SOX5: variants seen among roughly 807,000 people sequenced by gnomAD.
SOX5 encodes the protein SRY-box transcription factor 5.
In SOX5, 9 loss-of-function variants were observed where a neutral mutation model predicts 92.0. The ratio of observed to expected loss-of-function variants is 0.10; its 90% confidence interval spans 0.06 to 0.17. The LOEUF (loss-of-function observed/expected upper bound fraction) is 0.17, where lower values mean the gene tolerates loss of function less well. Ranked by LOEUF, SOX5 falls within the 10% of genes least tolerant of loss-of-function variation. The pLI is 1.00. For synonymous variants in SOX5, 344 were observed against 336.3 expected (o/e 1.02, Z -0.25); for missense variants, 642 against 944.5 (o/e 0.68, Z 4.20).
At chr12:24,397,830 GTTA>G (rs962271900) in intron 1 of SOX5, among the ~76,000 whole-genome samples, 5 of 151,374 alleles carry the variant, frequency 3.3e-5, no homozygotes, top group East Asian at 1.9e-4. Flanking sequence ...AAATATTATT[GTTA>G]TTATTATTAT....
At chr12:23,690,822 A>G (rs970920789) in intron 6 of SOX5, among the ~76,000 whole-genome samples, 32 of 152,212 alleles carry the variant, frequency 2.1e-4, no homozygotes, top group Admixed American at 5.9e-4. Flanking sequence ...CATTTTAGTC[A>G]CTGTACCTGC....
intron 4 of SOX5, among the ~76,000 whole-genome samples, chr12:24,141,083 C>A (rs1029679346): frequency 6.6e-6 from 1 of 152,098 alleles, no homozygotes; most frequent in Non-Finnish European, 1.5e-5. Context: ...ACCATTAGAA[C>A]ATTCTCAGAA....
At chr12:24,106,220 C>A (rs1946650358) in intron 4 of SOX5, among the ~76,000 whole-genome samples, 1 of 150,790 alleles carries the variant, frequency 6.6e-6, no homozygotes. Context: ...CCCAACACAC[C>A]AAGTCCTAAC....
intron 6 of SOX5, among the ~76,000 whole-genome samples, chr12:23,713,315 C>T (rs1447128285): frequency 1.3e-5 from 2 of 152,228 alleles, no homozygotes; most frequent in African/African-American, 4.8e-5. Context: ...TGATTTCAGA[C>T]TCTGACCTCC....
intron 8 of SOX5, among the ~76,000 whole-genome samples, chr12:23,635,841 G>T (rs1379149592): frequency 1.3e-5 from 2 of 152,134 alleles, no homozygotes; most frequent in Non-Finnish European, 2.9e-5. Flanking sequence ...ATGATGGAAG[G>T]AAGTGGATAG....
chr12:23,873,378 T>A (rs2096894937), intron 2 of SOX5, among the ~76,000 whole-genome samples: 1 of 151,400 alleles, frequency 6.6e-6, no homozygotes, highest in Admixed American at 6.6e-5. Flanking sequence ...GAGGCAGAGG[T>A]GTGAGAATCA....
intron 4 of SOX5, among the ~76,000 whole-genome samples, chr12:24,170,046 G>C (rs939747129): frequency 2.6e-5 from 4 of 152,108 alleles, no homozygotes; most frequent in Non-Finnish European, 1.5e-5. Flanking sequence ...GAGGAGAGTG[G>C]CACCTTTAAG....
intron 2 of SOX5, among the ~76,000 whole-genome samples, chr12:24,352,903 A>G (rs1425905833): frequency 6.6e-6 from 1 of 152,142 alleles, no homozygotes; most frequent in Non-Finnish European, 1.5e-5. Context: ...GCCTCACTGG[A>G]AAGTTGGCAG....
At chr12:24,308,921 G>A (rs543759258) in intron 2 of SOX5, among the ~76,000 whole-genome samples, 6 of 152,178 alleles carry the variant, frequency 3.9e-5, no homozygotes, top group Non-Finnish European at 7.4e-5. Flanking sequence ...AGTATTATTG[G>A]ATTCTTCAGG....
chr12:24,435,292 T>C (rs1939190376), intron 1 of SOX5, among the ~76,000 whole-genome samples: 1 of 152,200 alleles, frequency 6.6e-6, no homozygotes, highest in Admixed American at 6.5e-5. Context: ...GATGAAGATG[T>C]ACCCCTTTCT....
intron 3 of SOX5, among the ~76,000 whole-genome samples, chr12:23,814,234 T>G (rs1483863680): frequency 6.6e-6 from 1 of 152,204 alleles, no homozygotes; most frequent in Non-Finnish European, 1.5e-5. Flanking sequence ...TCACATAACA[T>G]GTGCTGATCT....
At chr12:24,462,105 A>G (rs1014152916) in intron 1 of SOX5, among the ~76,000 whole-genome samples, 1 of 152,180 alleles carries the variant, frequency 6.6e-6, no homozygotes, top group Non-Finnish European at 1.5e-5. Flanking sequence ...AGGAAATTTC[A>G]TCCTTGTGTG....
At chr12:23,921,445 C>A (rs1387862050) in intron 1 of SOX5, among the ~76,000 whole-genome samples, 1 of 151,004 alleles carries the variant, frequency 6.6e-6, no homozygotes, top group Non-Finnish European at 1.5e-5. Flanking sequence ...GCACAGCAGA[C>A]AAAAAGAATT....
intron 3 of SOX5, among the ~76,000 whole-genome samples, chr12:23,831,565 T>A: frequency 6.6e-6 from 1 of 152,132 alleles, no homozygotes; most frequent in East Asian, 1.9e-4. Context: ...CCACCATACA[T>A]ACCTTTTGAA....
intron 6 of SOX5, among the ~76,000 whole-genome samples, chr12:23,686,922 G>A (rs558330924): frequency 1.3e-5 from 2 of 152,114 alleles, no homozygotes; most frequent in African/African-American, 2.4e-5. Flanking sequence ...TTTAAAAAAG[G>A]TTTCTGTTGA....
chr12:24,191,557 C>T (rs1170002143), intron 4 of SOX5, among the ~76,000 whole-genome samples: 2 of 152,208 alleles, frequency 1.3e-5, no homozygotes, highest in African/African-American at 4.8e-5. Context: ...ACCTGTCTGA[C>T]CAGATACGTT....
rs1329052617 is a variant in SOX5 at position 23,940,372 on chromosome 12, G to A, written c.38+9192C>T. On this transcript the variant is annotated intron_variant, in intron 1 of 14. Coordinates refer to ENST00000451604, the MANE Select transcript of SOX5 (RefSeq NM_006940.6). ...TGTTCCTGTGTAATGATACCTAATTGACAGGTAAACTGAAGTGCTTCTATA... is the reference window on the plus strand; with the variant it reads ...TGTTCCTGTGTAATGATACCTAATTAACAGGTAAACTGAAGTGCTTCTATA... 2.0e-5 allele frequency among the ~76,000 whole-genome samples: 3 copies of A among 151,232 alleles called. No homozygotes were observed. The East Asian group carries it at 5.8e-4, about 29-fold the overall frequency.
At chr12:23,948,130 T>C (rs1204550552) in intron 1 of SOX5, among the ~76,000 whole-genome samples, 1 of 151,554 alleles carries the variant, frequency 6.6e-6, no homozygotes, top group African/African-American at 2.4e-5. Flanking sequence ...AATTAAAGAG[T>C]TAATATATAG....
chr12:23,930,107 C>T (rs1941058796), intron 1 of SOX5, among the ~76,000 whole-genome samples: 1 of 151,930 alleles, frequency 6.6e-6, no homozygotes, highest in East Asian at 1.9e-4. Flanking sequence ...AAGTAAACAA[C>T]CAATAAATGT....
Sources: gnomAD v4.1 joint callset for allele counts (sites outside exome capture counted in the v4.1 genomes callset) on GRCh38, gnomAD v4.1.1 for gene constraint, MANE v1.5 for transcripts, NCBI Gene and HGNC (gene_info 2026-07-23, HGNC 2026-07-21) for gene names.